Variants in PXDNL observed in about 807,000 individuals in gnomAD.
PXDNL encodes peroxidasin like, also known as probable oxidoreductase PXDNL.
A neutral mutation model predicts 150.8 loss-of-function variants in PXDNL; 145 were observed. That is an observed-to-expected ratio of 0.96 (90% CI 0.84 to 1.10). The LOEUF is 1.10. Among genes scored for constraint, PXDNL ranks in the 50% least tolerant of loss-of-function variants. The probability of loss-of-function intolerance (pLI) is 0.00; values close to 1 mark genes in which losing one functional copy is unlikely to be tolerated. For missense variants in PXDNL, 2,087 were observed against 1,873.9 expected, an observed-to-expected ratio of 1.11 and a Z score of -2.10; for synonymous variants, 757 against 725.7, an observed-to-expected ratio of 1.04 and a Z score of -0.69.
intron 17 of PXDNL, among the ~76,000 whole-genome samples, chr8:51,387,125 T>G (rs1807740920): frequency 6.6e-6 from 1 of 152,192 alleles, no homozygotes; most frequent in Non-Finnish European, 1.5e-5. Flanking sequence ...CCTCCTCAAC[T>G]GTCCACAACA....
chr8:51,420,269 T>A (rs1442843892), intron 14 of PXDNL, among the ~76,000 whole-genome samples: 2 of 152,232 alleles, frequency 1.3e-5, no homozygotes, highest in African/African-American at 4.8e-5. Context: ...CTTTTCCTTT[T>A]AGTTATAATG....
intron 17 of PXDNL, among the ~76,000 whole-genome samples, chr8:51,378,721 G>C (rs1014901877): frequency 2.0e-5 from 3 of 149,272 alleles, no homozygotes; most frequent in African/African-American, 7.7e-5. Context: ...ATCCCACTGG[G>C]ACAGGACGGG....
At chr8:51,361,006 T>C (rs1364791279) in intron 19 of PXDNL, among the ~76,000 whole-genome samples, 1 of 152,234 alleles carries the variant, frequency 6.6e-6, no homozygotes, top group Non-Finnish European at 1.5e-5. Flanking sequence ...AAGTGGGACC[T>C]GAAGTAGAAC....
chr8:51,409,036 G>A lies in PXDNL; in HGVS notation c.2588C>T (p.Ala863Val). The A allele has an allele frequency of 6.2e-7, 1 of 1,610,368 alleles. No homozygotes were observed. The highest frequency in any genetic ancestry group is 1.1e-5 in the South Asian group (1 of 91,036). The change falls in exon 17 of 23, where the codon GCG becomes GTG. Residue 863 changes from alanine to valine, a missense_variant. Ala to Val is a moderately conservative substitution (Grantham distance 64, BLOSUM62 0). Transcript: ENST00000356297. Reference protein sequence around the residue: ...RGTHAPCMLFARSSPACASGR... With the variant: ...RGTHAPCMLFVRSSPACASGR... ...GCTGGCACACGCGGGGCTGGAGCGC[G>A]CGAAGAGCATGCAGGGCGCGTGGGT... is the stretch of plus-strand genomic sequence containing the variant.
chr8:51,439,728 G>A (rs1218920105), intron 12 of PXDNL, among the ~76,000 whole-genome samples: 1 of 151,446 alleles, frequency 6.6e-6, no homozygotes, highest in African/African-American at 2.4e-5. Context: ...GGGAGGCTGA[G>A]GCAGGAGAAT....
chr8:51,769,349 C>T (rs1304727242), intron 1 of PXDNL, among the ~76,000 whole-genome samples: 1 of 152,180 alleles, frequency 6.6e-6, no homozygotes, highest in Non-Finnish European at 1.5e-5. Context: ...AAATGCTGCT[C>T]AAATATTGGA....
chr8:51,632,975 A>G (rs930703213), intron 2 of PXDNL, among the ~76,000 whole-genome samples: 1 of 152,022 alleles, frequency 6.6e-6, no homozygotes, highest in Non-Finnish European at 1.5e-5. Flanking sequence ...TGAGTTTTGG[A>G]GTATAAATGA....
rs74388042 is a variant in PXDNL, at chr8:51,376,528, G to A, written c.3558-1797C>T. Reference sequence around the variant, plus strand: ...CTGAAATGTTTTGATTTGCATTTCTGTTTTCTTGTTACATAGCTTTATTTG... The same window carrying A: ...CTGAAATGTTTTGATTTGCATTTCTATTTTCTTGTTACATAGCTTTATTTG... On this transcript the variant is annotated intron_variant, in intron 17 of 22. Transcript: ENST00000356297. Among the ~76,000 whole-genome samples, 797 of 152,104 alleles carry A rather than the reference G, an allele frequency of 5.2e-3. 7 individuals carry two copies. The highest frequency in any genetic ancestry group is 0.018 in the African/African-American group (762 of 41,492).
chr8:51,759,793 T>C (rs755931544), intron 1 of PXDNL, among the ~76,000 whole-genome samples: 3 of 152,224 alleles, frequency 2.0e-5, no homozygotes, highest in African/African-American at 4.8e-5. Flanking sequence ...GAACATTTAA[T>C]TTAACGTGGG....
intron 2 of PXDNL, among the ~76,000 whole-genome samples, chr8:51,647,220 T>C (rs1814939092): frequency 6.6e-6 from 1 of 152,062 alleles, no homozygotes. Flanking sequence ...AAGAAATATC[T>C]TGGATGTGCC....
At chr8:51,715,601 G>A (rs1816599414) in intron 1 of PXDNL, among the ~76,000 whole-genome samples, 1 of 152,162 alleles carries the variant, frequency 6.6e-6, no homozygotes, top group African/African-American at 2.4e-5. Flanking sequence ...TCCTGCGGCA[G>A]AACGTAACAA....
chr8:51,331,000 CG>C (rs1383813698), intron 21 of PXDNL, among the ~76,000 whole-genome samples: 1 of 152,126 alleles, frequency 6.6e-6, no homozygotes, highest in African/African-American at 2.4e-5. Flanking sequence ...ATTGCAGATC[CG>C]GATACTGCAG....
chr8:51,435,185 G>T (rs1809362183), intron 12 of PXDNL, among the ~76,000 whole-genome samples: 1 of 152,116 alleles, frequency 6.6e-6, no homozygotes, highest in Non-Finnish European at 1.5e-5. Flanking sequence ...GCCAGGCATG[G>T]TGGCACATGC....
At chr8:51,713,347 A>G (rs930757696) in intron 1 of PXDNL, among the ~76,000 whole-genome samples, 1 of 152,252 alleles carries the variant, frequency 6.6e-6, no homozygotes, top group African/African-American at 2.4e-5. Flanking sequence ...GGAACTTTAA[A>G]TTCCTAGGCA....
intron 21 of PXDNL, among the ~76,000 whole-genome samples, chr8:51,330,810 A>G (rs2392834): frequency 0.043 from 6,498 of 152,242 alleles, 289 homozygotes; most frequent in African/African-American, 0.11. Context: ...AATCCATTCC[A>G]AGCCTCAAAT....
chr8:51,649,848 T>C (rs1814997307), intron 2 of PXDNL, among the ~76,000 whole-genome samples: 1 of 152,160 alleles, frequency 6.6e-6, no homozygotes, highest in Non-Finnish European at 1.5e-5. Flanking sequence ...ATGCCTGTAA[T>C]CTCAGCACTT....
At chr8:51,530,365 A>G (rs1404349251) in intron 4 of PXDNL, among the ~76,000 whole-genome samples, 1 of 152,012 alleles carries the variant, frequency 6.6e-6, no homozygotes, top group African/African-American at 2.4e-5. Context: ...CTAAATCCAC[A>G]GTAGAAACAG....
At chr8:51,671,238 G>T (rs1344467715) in intron 1 of PXDNL, among the ~76,000 whole-genome samples, 1 of 152,182 alleles carries the variant, frequency 6.6e-6, no homozygotes, top group East Asian at 1.9e-4. Context: ...ATTGAAGCTG[G>T]TGACTAGAAA....
At chr8:51,577,189 A>G (rs1347701694) in intron 3 of PXDNL, among the ~76,000 whole-genome samples, 1 of 151,884 alleles carries the variant, frequency 6.6e-6, no homozygotes, top group Non-Finnish European at 1.5e-5. Flanking sequence ...GAGAGATAGT[A>G]AGAAAAAAGG....
Sources: allele counts gnomAD v4.1 joint callset (sites outside exome capture counted in the v4.1 genomes callset), GRCh38; gene constraint gnomAD v4.1.1; transcripts MANE v1.5; gene names NCBI Gene and HGNC (gene_info 2026-07-23, HGNC 2026-07-21).